The following RIT2 variants were observed in gnomAD, a reference collection of about 807,000 sequenced individuals.
RIT2 encodes GTP-binding protein Rit2.
RIT2 carries 24 observed loss-of-function variants against 23.7 expected under a neutral mutation model. That is an observed-to-expected ratio of 1.01 (90% CI 0.73 to 1.43). The LOEUF is 1.43. RIT2 is among the 40% of genes most tolerant of loss of function. RIT2 has a pLI of 0.00. For missense variants in RIT2, 236 were observed against 266.9 expected, an observed-to-expected ratio of 0.88 and a Z score of 0.81; for synonymous variants, 107 against 91.1, an observed-to-expected ratio of 1.17 and a Z score of -0.99.
At chr18:42,820,061 T>C (rs1269396188) in intron 4 of RIT2, among the ~76,000 whole-genome samples, 4 of 152,174 alleles carry the variant, frequency 2.6e-5, no homozygotes, top group Admixed American at 6.5e-5. Flanking sequence ...AATATAGTAT[T>C]CAGCACAGAA....
At chr18:43,055,244 G>A (rs570626072) in intron 1 of RIT2, among the ~76,000 whole-genome samples, 5 of 152,096 alleles carry the variant, frequency 3.3e-5, no homozygotes, top group East Asian at 1.9e-4. Context: ...ATATTCTTAC[G>A]AAGAAAAGCT....
intron 4 of RIT2, among the ~76,000 whole-genome samples, chr18:42,892,500 A>G (rs945224700): frequency 2.0e-5 from 3 of 152,190 alleles, no homozygotes; most frequent in Admixed American, 2.0e-4. Flanking sequence ...TGAGGTCTGC[A>G]TTACTAAATT....
intron 4 of RIT2, among the ~76,000 whole-genome samples, chr18:42,907,872 T>C (rs1007176105): frequency 1.3e-5 from 2 of 152,002 alleles, no homozygotes; most frequent in Admixed American, 1.3e-4. Flanking sequence ...TCCCAGCTAC[T>C]TGGGAGACTG....
chr18:43,064,251 G>A (rs1912719689), intron 1 of RIT2, among the ~76,000 whole-genome samples: 1 of 152,134 alleles, frequency 6.6e-6, no homozygotes, highest in South Asian at 2.1e-4. Flanking sequence ...CAACTCACCA[G>A]AAAGTTATAT....
intron 4 of RIT2, among the ~76,000 whole-genome samples, chr18:42,823,044 A>G (rs1906196212): frequency 6.6e-6 from 1 of 152,148 alleles, no homozygotes; most frequent in Non-Finnish European, 1.5e-5. Context: ...GGCTCTAGTA[A>G]AGAAATCAGC....
At chr18:42,775,628 C>T (rs1343716591) in intron 4 of RIT2, among the ~76,000 whole-genome samples, 1 of 151,802 alleles carries the variant, frequency 6.6e-6, no homozygotes, top group Non-Finnish European at 1.5e-5. Flanking sequence ...ACCCGGGAGG[C>T]GGAGCTTGCA....
intron 2 of RIT2, among the ~76,000 whole-genome samples, chr18:43,021,040 C>T (rs1911583346): frequency 6.6e-6 from 1 of 151,966 alleles, no homozygotes. Flanking sequence ...AAGCTTTCTA[C>T]ACAGCAAAGG....
At chr18:42,953,310 A>G (rs1179507176) in intron 3 of RIT2, among the ~76,000 whole-genome samples, 1 of 152,168 alleles carries the variant, frequency 6.6e-6, no homozygotes, top group Non-Finnish European at 1.5e-5. Flanking sequence ...CTTATCCTTT[A>G]TTATGATATT....
At chr18:43,042,531 T>A (rs1912152633) in intron 1 of RIT2, among the ~76,000 whole-genome samples, 1 of 152,206 alleles carries the variant, frequency 6.6e-6, no homozygotes, top group South Asian at 2.1e-4. Context: ...TGCTCTATAT[T>A]TCTTTCAGAT....
At chr18:43,001,275 G>C (rs1911098279) in intron 2 of RIT2, among the ~76,000 whole-genome samples, 1 of 151,958 alleles carries the variant, frequency 6.6e-6, no homozygotes, top group African/African-American at 2.4e-5. Context: ...AATGTTTAAT[G>C]TCAGTTTTTT....
intron 4 of RIT2, among the ~76,000 whole-genome samples, chr18:42,801,073 T>C (rs888086753): frequency 1.3e-5 from 2 of 152,200 alleles, no homozygotes; most frequent in African/African-American, 4.8e-5. Context: ...TCATGTGTCA[T>C]GATTTGTCAA....
intron 4 of RIT2, among the ~76,000 whole-genome samples, chr18:42,799,712 C>G (rs539710618): frequency 6.6e-6 from 1 of 152,148 alleles, no homozygotes; most frequent in African/African-American, 2.4e-5. Flanking sequence ...AACATGCTTC[C>G]CCATATTTTA....
At chr18:42,843,173 G>A (rs2144026493) in intron 4 of RIT2, among the ~76,000 whole-genome samples, 1 of 152,318 alleles carries the variant, frequency 6.6e-6, no homozygotes, top group East Asian at 1.9e-4. Context: ...AGAATGTGAT[G>A]AGTGCTATAG....
At chr18:42,769,709 T>C (rs1913504030) in intron 4 of RIT2, among the ~76,000 whole-genome samples, 1 of 151,948 alleles carries the variant, frequency 6.6e-6, no homozygotes, top group Non-Finnish European at 1.5e-5. Flanking sequence ...CCCTGTGAAA[T>C]ATGATTATAT....
chr18:43,083,682 T>G (rs1312159657), intron 1 of RIT2, among the ~76,000 whole-genome samples: 1 of 152,212 alleles, frequency 6.6e-6, no homozygotes, highest in African/African-American at 2.4e-5. Flanking sequence ...GCTACTCATA[T>G]GCAGAAAACT....
At chr18:42,882,670 A>G (rs149794381) in intron 4 of RIT2, among the ~76,000 whole-genome samples, 12 of 152,338 alleles carry the variant, frequency 7.9e-5, no homozygotes, top group African/African-American at 2.6e-4. Flanking sequence ...GATATGGGTC[A>G]ATCAGTGAAA....
chr18:42,828,131 G>T (rs754329383), intron 4 of RIT2, among the ~76,000 whole-genome samples: 27 of 152,120 alleles, frequency 1.8e-4, no homozygotes, highest in Non-Finnish European at 3.8e-4. Context: ...ACAAGGATAT[G>T]CATTGACAAG....
At position 42,830,379 on chromosome 18, in the gene RIT2, T is replaced by C. The variant is rs1906423014; in HGVS notation, c.427-86659A>G. Among the ~76,000 whole-genome samples the C allele has an allele frequency of 5.9e-5, 9 of 152,174 alleles. No homozygotes were observed. The South Asian group carries it at 1.7e-3, about 28-fold the overall frequency. ...TGGCAGTTTGAGCTGCTCTTTACTG[T>C]GATAAGATGGTCAACATGGTCAGGA... is the stretch of plus-strand genomic sequence containing the variant. On this transcript the variant is annotated intron_variant, in intron 4 of 4. Coordinates refer to ENST00000326695, the MANE Select transcript of RIT2 (RefSeq NM_002930.4).
At chr18:42,751,174 T>C (rs1251588420) in intron 4 of RIT2, among the ~76,000 whole-genome samples, 1 of 151,882 alleles carries the variant, frequency 6.6e-6, no homozygotes, top group Non-Finnish European at 1.5e-5. Context: ...TGACATTGAG[T>C]TATCATTTTG....
Sources: gnomAD v4.1 joint callset for allele counts (sites outside exome capture counted in the v4.1 genomes callset) on GRCh38, gnomAD v4.1.1 for gene constraint, MANE v1.5 for transcripts, NCBI Gene and HGNC (gene_info 2026-07-23, HGNC 2026-07-21) for gene names.